Variants in RALYL observed in about 807,000 individuals in gnomAD.
The protein encoded by RALYL is RNA-binding Raly-like protein.
A neutral mutation model predicts 35.1 loss-of-function variants in RALYL; 29 were observed. The observed-to-expected ratio is 0.83, with a 90% confidence interval of 0.61 to 1.13. The LOEUF (loss-of-function observed/expected upper bound fraction) is 1.13. Among genes scored for constraint, RALYL ranks in the 50% most tolerant of loss-of-function variants. The pLI is 0.00. For synonymous variants in RALYL, 120 were observed against 127.6 expected (o/e 0.94, Z 0.40); for missense variants, 359 against 360.4 (o/e 1.00, Z 0.03).
intron 3 of RALYL, among the ~76,000 whole-genome samples, chr8:84,796,860 T>C (rs1822041689): frequency 6.6e-6 from 1 of 152,348 alleles, no homozygotes; most frequent in African/African-American, 2.4e-5. Context: ...ATACCCAGTG[T>C]GGGGCCAGAT....
intron 8 of RALYL, among the ~76,000 whole-genome samples, chr8:84,915,351 T>C (rs1311356421): frequency 1.3e-5 from 2 of 152,010 alleles, no homozygotes; most frequent in Non-Finnish European, 2.9e-5. Context: ...TGCCTTACTC[T>C]CTCTTGCCAT....
chr8:84,427,223 C>T (rs972633933), intron 1 of RALYL, among the ~76,000 whole-genome samples: 6 of 152,310 alleles, frequency 3.9e-5, no homozygotes, highest in African/African-American at 1.4e-4. Context: ...GTACCATCAT[C>T]GTTTGCCTCA....
At chr8:84,260,210 G>A (rs1346510558) in intron 1 of RALYL, among the ~76,000 whole-genome samples, 1 of 152,102 alleles carries the variant, frequency 6.6e-6, no homozygotes, top group African/African-American at 2.4e-5. Flanking sequence ...ATGAAACAAA[G>A]CTGCACATGT....
intron 1 of RALYL, among the ~76,000 whole-genome samples, chr8:84,485,336 C>A (rs2054495393): frequency 6.6e-6 from 1 of 152,150 alleles, no homozygotes; most frequent in South Asian, 2.1e-4. Flanking sequence ...CGCCTTTAAT[C>A]CCAGCACTTT....
intron 1 of RALYL, among the ~76,000 whole-genome samples, chr8:84,362,260 T>A (rs1371549543): frequency 6.6e-6 from 1 of 152,098 alleles, no homozygotes; most frequent in African/African-American, 2.4e-5. Flanking sequence ...AGAATATGGA[T>A]CACTAGCAGC....
chr8:84,890,968 G>A lies in RALYL; in HGVS notation c.858+3192G>A, dbSNP rs896187621. Among the ~76,000 whole-genome samples the A allele has an allele frequency of 2.0e-5, 3 of 152,038 alleles. No homozygotes were observed. The East Asian group carries it at 5.8e-4, about 29-fold the overall frequency. On this transcript the variant is annotated intron_variant, in intron 8 of 8. Transcript: ENST00000521268. ...AATAAAGGCACAAAGGGAACAAAAA[G>A]CCCCTACATATACCATTAAGGACTA... is the stretch of plus-strand genomic sequence containing the variant.
intron 8 of RALYL, among the ~76,000 whole-genome samples, chr8:84,894,970 G>T (rs1164471633): frequency 6.6e-6 from 1 of 152,120 alleles, no homozygotes; most frequent in Admixed American, 6.6e-5. Flanking sequence ...ACTGGCTTTA[G>T]TTTTTCCATC....
At chr8:84,535,769 G>T (rs996260609) in intron 2 of RALYL, among the ~76,000 whole-genome samples, 4 of 151,764 alleles carry the variant, frequency 2.6e-5, no homozygotes, top group African/African-American at 9.7e-5. Context: ...CACCGCGCCC[G>T]GCCGCATCCC....
rs1839434693 is a variant in RALYL, at chr8:84,867,765, C to T, written c.571+5312C>T. Among the ~76,000 whole-genome samples, 3 of 152,062 alleles carry T rather than the reference C, an allele frequency of 2.0e-5. No individual in the cohort carries two copies. The South Asian group carries it at 6.2e-4, about 31-fold the overall frequency. On this transcript the variant is annotated intron_variant, in intron 6 of 8. Transcript: ENST00000521268. ...TCATCAAAACTAATTTATCTTTTTT[C>T]TTTGCCCACATAGCTGATACAAGTT... is the stretch of plus-strand genomic sequence containing the variant.
At chr8:84,367,796 T>C (rs1166441150) in intron 1 of RALYL, among the ~76,000 whole-genome samples, 1 of 152,152 alleles carries the variant, frequency 6.6e-6, no homozygotes, top group East Asian at 1.9e-4. Flanking sequence ...CTCATTATTA[T>C]AGGTAAGATA....
At chr8:84,514,885 T>G (rs551817562) in intron 1 of RALYL, among the ~76,000 whole-genome samples, 78 of 152,312 alleles carry the variant, frequency 5.1e-4, no homozygotes, top group African/African-American at 1.8e-3. Flanking sequence ...TAGAGAGCTC[T>G]TATAGTTCTA....
chr8:84,422,437 CTT>C (rs1332494436), intron 1 of RALYL, among the ~76,000 whole-genome samples: 2 of 131,742 alleles, frequency 1.5e-5, no homozygotes, highest in East Asian at 2.1e-4. Context: ...ATTCTTCTCT[CTT>C]TTTTTCTTTA....
At chr8:84,318,726 G>A (rs73306942) in intron 1 of RALYL, among the ~76,000 whole-genome samples, 1,914 of 152,260 alleles carry the variant, frequency 0.013, 58 homozygotes, top group African/African-American at 0.043. Context: ...TTGAATGGCA[G>A]TATAGGAGTG....
intron 1 of RALYL, among the ~76,000 whole-genome samples, chr8:84,276,064 CT>C (rs1024689790): frequency 2.6e-5 from 4 of 152,030 alleles, no homozygotes; most frequent in African/African-American, 9.7e-5. Context: ...GTTAACTGTA[CT>C]TTTGCCATCT....
intron 2 of RALYL, among the ~76,000 whole-genome samples, chr8:84,576,519 G>A (rs1422045846): frequency 1.3e-5 from 2 of 152,148 alleles, no homozygotes; most frequent in Non-Finnish European, 2.9e-5. Flanking sequence ...TAATACATTT[G>A]CTCTTCAGGT....
chr8:84,344,379 A>G (rs898068259), intron 1 of RALYL, among the ~76,000 whole-genome samples: 1 of 152,054 alleles, frequency 6.6e-6, no homozygotes, highest in Non-Finnish European at 1.5e-5. Flanking sequence ...AAGTAGTGTA[A>G]CATACCTACA....
At chr8:84,451,931 T>C (rs566072788) in intron 1 of RALYL, among the ~76,000 whole-genome samples, 6 of 152,094 alleles carry the variant, frequency 3.9e-5, no homozygotes, top group African/African-American at 1.4e-4. Context: ...TCATACTCGA[T>C]ATTTACCAGT....
chr8:84,829,428 G>T, intron 4 of RALYL: 1 of 158,866 alleles, frequency 6.3e-6, no homozygotes, highest in East Asian at 1.7e-4. Flanking sequence ...TCTGATTCCA[G>T]TCCACTTCTT....
At chr8:84,511,925 C>T (rs551460789) in intron 1 of RALYL, among the ~76,000 whole-genome samples, 22 of 152,158 alleles carry the variant, frequency 1.4e-4, no homozygotes, top group Non-Finnish European at 1.8e-4. Flanking sequence ...ACCACATTTC[C>T]TTTATCCATT....
Sources: gnomAD v4.1 joint callset for allele counts (sites outside exome capture counted in the v4.1 genomes callset) on GRCh38, gnomAD v4.1.1 for gene constraint, MANE v1.5 for transcripts, NCBI Gene and HGNC (gene_info 2026-07-23, HGNC 2026-07-21) for gene names.